The following ANKRD12 variants were observed in gnomAD, a reference collection of about 807,000 sequenced individuals.
ANKRD12 encodes the protein ankyrin repeat domain 12.
Under a neutral mutation model 183.4 loss-of-function variants are expected in ANKRD12, and 85 were observed. The observed-to-expected ratio is 0.46, with a 90% CI of 0.39 to 0.56. The LOEUF (loss-of-function observed/expected upper bound fraction) is 0.56, where lower values mean the gene tolerates loss of function less well. Ranked by LOEUF, ANKRD12 falls within the 20% of genes least tolerant of loss-of-function variation. ANKRD12 has a pLI of 0.00. For missense variants in ANKRD12, 2,405 were observed against 2,357.1 expected (o/e 1.02, Z -0.42); for synonymous variants, 914 against 800.2 (o/e 1.14, Z -2.40).
chr18:9,234,723 C>T (rs1314023859), intron 8 of ANKRD12, among the ~76,000 whole-genome samples: 4 of 152,088 alleles, frequency 2.6e-5, no homozygotes, highest in African/African-American at 4.8e-5. Flanking sequence ...CGCTTAGGTA[C>T]CAGAGGCGGG....
At position 9,254,621 on chromosome 18, in the gene ANKRD12, T is replaced by C. The variant is rs970924291; in HGVS notation, c.1354T>C (p.Ser452Pro). The change falls in exon 9 of 13, where the codon TCT (serine) becomes CCT (proline). Residue 452 changes from serine to proline, a missense_variant. Ser to Pro is a moderately conservative substitution (Grantham distance 74). Around this residue, in one of 7 missense-constraint regions of ANKRD12, gnomAD observed 1,983 missense variants for 1,725.9 expected, o/e 1.15. Coordinates refer to ENST00000262126, the MANE Select transcript of ANKRD12 (RefSeq NM_015208.5). ...TTCCGTCATCCCTGAAACATCAAATTCTGATATGCAAACCAAAAAGGAATA... is the reference window on the plus strand; with the variant it reads ...TTCCGTCATCCCTGAAACATCAAATCCTGATATGCAAACCAAAAAGGAATA... The part of the protein sequence containing the change: ...SCSVIPETSN[S>P]DMQTKKEYVV... 1 of 1,584,378 alleles carries C rather than the reference T, an allele frequency of 6.3e-7. No individual in the cohort carries two copies. Among genetic ancestry groups the C allele is most frequent in the East Asian group, 2.3e-5 (1 of 44,338 alleles).
intron 8 of ANKRD12, among the ~76,000 whole-genome samples, chr18:9,224,376 G>T (rs184548700): frequency 1.3e-5 from 2 of 152,174 alleles, no homozygotes; most frequent in East Asian, 3.9e-4. Flanking sequence ...TGTTAAAATG[G>T]TCTAATGGTA....
At chr18:9,180,673 G>A (rs1302942740) in intron 1 of ANKRD12, among the ~76,000 whole-genome samples, 3 of 152,110 alleles carry the variant, frequency 2.0e-5, no homozygotes, top group Non-Finnish European at 4.4e-5. Context: ...AGTATTAAAT[G>A]CTTAATATTA....
chr18:9,136,975 G>T lies in ANKRD12; in HGVS notation c.-52+10G>T, dbSNP rs920686665. 18 of 152,742 alleles carry T rather than the reference G, an allele frequency of 1.2e-4. No homozygotes were observed. Among genetic ancestry groups the T allele is most frequent in the Admixed American group, 6.5e-4 (10 of 15,318 alleles). 9.5% of individuals were successfully genotyped at this position (152,742 alleles called of 1,614,324 possible). On this transcript the variant is annotated intron_variant, in intron 1 of 12. Transcript: ENST00000262126. ...GCCGGCCTTGCCTCGGGTCCGTACG[G>T]GTGAGGGGGGCGTGGCGACAGGAAA...
At chr18:9,144,156 A>C (rs2078415520) in intron 1 of ANKRD12, among the ~76,000 whole-genome samples, 1 of 152,058 alleles carries the variant, frequency 6.6e-6, no homozygotes, top group African/African-American at 2.4e-5. Flanking sequence ...TCTTACTCAA[A>C]ACTTCCAGGA....
At chr18:9,220,853 A>G (rs2036382491) in intron 7 of ANKRD12, among the ~76,000 whole-genome samples, 1 of 152,192 alleles carries the variant, frequency 6.6e-6, no homozygotes, top group Non-Finnish European at 1.5e-5. Flanking sequence ...ACAGAGTCAT[A>G]GGGAAACCAT....
At chr18:9,168,686 A>AT (rs2143926902) in intron 1 of ANKRD12, among the ~76,000 whole-genome samples, 1 of 152,136 alleles carries the variant, frequency 6.6e-6, no homozygotes, top group South Asian at 2.1e-4. Context: ...GGATTCATTA[A>AT]TTTTTTGAAG....
At chr18:9,223,390 G>A (rs2036532399) in intron 8 of ANKRD12, among the ~76,000 whole-genome samples, 1 of 151,896 alleles carries the variant, frequency 6.6e-6, no homozygotes, top group Non-Finnish European at 1.5e-5. Context: ...CGAGTAGCTG[G>A]GACTACAGGC....
At chr18:9,180,386 C>T (rs1346731530) in intron 1 of ANKRD12, among the ~76,000 whole-genome samples, 2 of 151,782 alleles carry the variant, frequency 1.3e-5, no homozygotes, top group Non-Finnish European at 2.9e-5. Flanking sequence ...GGTTTTTTTC[C>T]CACTTTCTGG....
intron 2 of ANKRD12, among the ~76,000 whole-genome samples, chr18:9,192,869 C>T (rs895807730): frequency 6.6e-5 from 10 of 151,292 alleles, no homozygotes; most frequent in Non-Finnish European, 1.3e-4. Context: ...TTTTTTATGG[C>T]GATGAGGTCT....
At chr18:9,169,025 T>C (rs2032397542) in intron 1 of ANKRD12, among the ~76,000 whole-genome samples, 1 of 152,056 alleles carries the variant, frequency 6.6e-6, no homozygotes, top group Non-Finnish European at 1.5e-5. Context: ...TGTAGCTGAG[T>C]GGTTTTGAGT....
chr18:9,244,352 A>G (rs1039220623), intron 8 of ANKRD12, among the ~76,000 whole-genome samples: 2 of 152,100 alleles, frequency 1.3e-5, no homozygotes, highest in African/African-American at 2.4e-5. Context: ...CAACATGGAG[A>G]CTTAACTCTT....
chr18:9,214,057 T>C (rs1226609871), intron 6 of ANKRD12, among the ~76,000 whole-genome samples: 1 of 151,890 alleles, frequency 6.6e-6, no homozygotes, highest in Non-Finnish European at 1.5e-5. Context: ...GGTCTACTTA[T>C]ATGTGGATTT....
intron 2 of ANKRD12, among the ~76,000 whole-genome samples, chr18:9,190,606 C>T (rs1414747949): frequency 2.0e-5 from 3 of 152,128 alleles, no homozygotes; most frequent in Non-Finnish European, 4.4e-5. Flanking sequence ...TGGCAAACTT[C>T]ATTGTTGTCT....
chr18:9,197,735 A>G (rs151090895), intron 3 of ANKRD12, among the ~76,000 whole-genome samples: 83 of 152,320 alleles, frequency 5.4e-4, no homozygotes, highest in African/African-American at 1.8e-3. Context: ...TATCATTATA[A>G]AGATCTTCAT....
At chr18:9,215,821 G>A (rs1220235215) in intron 6 of ANKRD12, among the ~76,000 whole-genome samples, 1 of 152,056 alleles carries the variant, frequency 6.6e-6, no homozygotes, top group African/African-American at 2.4e-5. Context: ...AAAAGGTAGC[G>A]GGTGAAAAGT....
intron 1 of ANKRD12, among the ~76,000 whole-genome samples, chr18:9,148,836 C>CTT (rs1361795132): frequency 6.6e-6 from 1 of 152,132 alleles, no homozygotes; most frequent in Non-Finnish European, 1.5e-5. Context: ...TTTTAGAAGC[C>CTT]TTTTTTGTTA....
intron 1 of ANKRD12, among the ~76,000 whole-genome samples, chr18:9,181,997 A>G (rs2033731241): frequency 6.6e-6 from 1 of 152,168 alleles, no homozygotes; most frequent in African/African-American, 2.4e-5. Context: ...TTACTGATCA[A>G]ACCTAACAGG....
At chr18:9,253,502 A>G (rs1234026662) in intron 8 of ANKRD12, among the ~76,000 whole-genome samples, 6 of 152,204 alleles carry the variant, frequency 3.9e-5, no homozygotes, top group East Asian at 3.8e-4. Flanking sequence ...TGTTGTGACA[A>G]ATGATAGAAT....
Sources: allele counts gnomAD v4.1 joint callset (sites outside exome capture counted in the v4.1 genomes callset), GRCh38; gene constraint gnomAD v4.1.1; regional missense constraint gnomAD v4.1.1; transcripts MANE v1.5; gene names NCBI Gene and HGNC (gene_info 2026-07-23, HGNC 2026-07-21).